The following MIB1 variants were observed in gnomAD, a reference collection of about 807,000 sequenced individuals.
The protein encoded by MIB1 is MIB E3 ubiquitin protein ligase 1.
MIB1 carries 278 observed loss-of-function variants against 124.5 expected under a neutral mutation model. The observed-to-expected ratio is 2.23, with a 90% confidence interval of 2.02 to 2.47. The LOEUF (loss-of-function observed/expected upper bound fraction) is 2.47. Among genes scored for constraint, MIB1 ranks in the 30% most tolerant of loss-of-function variants. The probability of loss-of-function intolerance (pLI) is 0.00; values close to 1 mark genes in which losing one functional copy is unlikely to be tolerated. For synonymous variants in MIB1, 446 were observed against 429.4 expected, an observed-to-expected ratio of 1.04 and a Z score of -0.48; for missense variants, 957 against 1,254.4, an observed-to-expected ratio of 0.76 and a Z score of 3.58.
intron 1 of MIB1, among the ~76,000 whole-genome samples, chr18:21,746,970 A>G (rs138829568): frequency 5.8e-4 from 88 of 152,304 alleles, no homozygotes; most frequent in Non-Finnish European, 1.0e-3. Context: ...CTTTATCAGA[A>G]TAGAGTCCCC....
At chr18:21,802,308 A>T (rs1471224896) in intron 9 of MIB1, among the ~76,000 whole-genome samples, 3 of 152,048 alleles carry the variant, frequency 2.0e-5, no homozygotes, top group Non-Finnish European at 2.9e-5. Flanking sequence ...CATGTCATTC[A>T]TATCTGCAAA....
chr18:21,781,383 AT>A (rs1301760940), intron 6 of MIB1, among the ~76,000 whole-genome samples: 2,155 of 60,528 alleles, frequency 0.036, 207 homozygotes, highest in African/African-American at 0.13. Flanking sequence ...ATATATATAT[AT>A]ATATATATAT....
At chr18:21,803,708 T>C (rs191131018) in intron 9 of MIB1, 199 bp from the exon 10 acceptor site, 189 of 426,436 alleles carry the variant, frequency 4.4e-4, no homozygotes, top group African/African-American at 3.3e-3. Context: ...AATGAAACTT[T>C]TGTTTTTTAA....
At chr18:21,817,591 C>T (rs2041841720) in intron 11 of MIB1, 8 of 346,474 alleles carry the variant, frequency 2.3e-5, no homozygotes, top group South Asian at 1.8e-4. Flanking sequence ...TGGCTGTGTT[C>T]CAATAAAACT....
intron 1 of MIB1, among the ~76,000 whole-genome samples, chr18:21,745,675 AAC>A (rs144491531): frequency 0.034 from 4,869 of 144,490 alleles, 129 homozygotes; most frequent in East Asian, 0.075. Context: ...ATAGGTGTTA[AAC>A]ACACACACAC....
At chr18:21,731,547 C>T (rs1057493777) in intron 1 of MIB1, among the ~76,000 whole-genome samples, 1 of 151,808 alleles carries the variant, frequency 6.6e-6, no homozygotes, top group African/African-American at 2.4e-5. Flanking sequence ...TCTTGGCTAA[C>T]ACGGTGAAAC....
intron 19 of MIB1, among the ~76,000 whole-genome samples, chr18:21,858,138 A>G (rs973931015): frequency 3.3e-5 from 5 of 152,196 alleles, no homozygotes; most frequent in Admixed American, 2.0e-4. Context: ...ATCATCTGAG[A>G]GACTTTAAAA....
chr18:21,854,900 TA>T, intron 18 of MIB1: 1 of 199,366 alleles, frequency 5.0e-6, no homozygotes, highest in Non-Finnish European at 1.1e-5. Context: ...GATATAAAGG[TA>T]AACAATACCA....
rs1231808336 is a variant in MIB1 at position 21,852,564 on chromosome 18, GCTGTGGAAGT to G, written c.2587-573_2587-564del. ...TGAAAGTGAGGGAGATTATGAATAGGCTGTGGAAGTCTTGCTAGAGATCAGGGAAAAAGAA... is the reference window on the plus strand; with the variant it reads ...TGAAAGTGAGGGAGATTATGAATAGGCTTGCTAGAGATCAGGGAAAAAGAA... On this transcript the variant is annotated intron_variant, in intron 17 of 20. Transcript: ENST00000261537. Among the ~76,000 whole-genome samples, 6 of 152,254 alleles carry G rather than the reference GCTGTGGAAGT, an allele frequency of 3.9e-5. No homozygotes were observed. In the East Asian group the frequency reaches 1.2e-3, roughly 29 times the overall value.
intron 2 of MIB1, among the ~76,000 whole-genome samples, chr18:21,766,513 G>A (rs1457902304): frequency 1.3e-5 from 2 of 152,112 alleles, no homozygotes; most frequent in Non-Finnish European, 2.9e-5. Flanking sequence ...TAATGGGGGC[G>A]GAGTTTTAGG....
At chr18:21,776,523 C>G (rs941341651) in intron 4 of MIB1, among the ~76,000 whole-genome samples, 4 of 152,176 alleles carry the variant, frequency 2.6e-5, no homozygotes, top group Non-Finnish European at 2.9e-5. Flanking sequence ...AAATCCACAT[C>G]TAAATTTTCA....
Position 21,864,598 on chromosome 18 carries a change from T to A in MIB1, c.2953T>A (p.Cys985Ser). ...TTGTGGTCACGGAACCTGTCAACTC[T>A]GTGGAGACCGCATGAGTGAATGTCC... ...FLCGHGTCQL[C>S]GDRMSECPIC... is the part of the protein sequence containing the mutation. Residue 985 changes from cysteine to serine, a missense_variant, in exon 21 of 21, where the codon TGT (cysteine) becomes AGT (serine). Cys to Ser is a moderately radical substitution (Grantham distance 112). Coordinates refer to ENST00000261537, the MANE Select transcript of MIB1 (RefSeq NM_020774.4). 1 of 1,613,552 alleles carries A rather than the reference T, an allele frequency of 6.2e-7. No homozygotes were observed. The highest frequency in any genetic ancestry group is 8.5e-7 in the Non-Finnish European group (1 of 1,179,478).
chr18:21,739,956 A>G (rs2040825904), upstream of MIB1, among the ~76,000 whole-genome samples: 1 of 151,694 alleles, frequency 6.6e-6, no homozygotes, highest in African/African-American at 2.4e-5. Flanking sequence ...AAAACCAAAC[A>G]AAAAAAATTT....
At chr18:21,719,056 C>T (rs112003024) in intron 1 of MIB1, among the ~76,000 whole-genome samples, 86 of 152,040 alleles carry the variant, frequency 5.7e-4, no homozygotes, top group African/African-American at 1.8e-3. Flanking sequence ...GGAGTGGTGG[C>T]GCATGCCTGT....
intron 12 of MIB1, chr18:21,825,635 A>G: frequency 4.0e-6 from 2 of 497,910 alleles, no homozygotes; most frequent in East Asian, 5.7e-5. Flanking sequence ...AATGTAAATA[A>G]GTTGAAATTA....
upstream of MIB1, among the ~76,000 whole-genome samples, chr18:21,740,001 T>A (rs1400391629): frequency 6.6e-6 from 1 of 152,210 alleles, no homozygotes; most frequent in Admixed American, 6.5e-5. Context: ...GGGTACATTT[T>A]ACGTCCGTTT....
rs558478201 is a variant in MIB1 at position 21,858,675 on chromosome 18, G to A, written c.2880+29G>A. 3.7e-6 allele frequency: 4 copies of A among 1,079,246 alleles called. No homozygotes were observed. The Admixed American group carries it at 7.0e-5, about 19-fold the overall frequency. The allele number at this position is 1,079,246 out of a possible 1,614,324, so 66.9% of individuals were successfully genotyped here. ...ATAATGATTTCATGTAAACAGTGAT[G>A]CTGTGAATGGCACTGAATATTTTCC... On this transcript the variant is annotated intron_variant, in intron 20 of 20. Transcript: ENST00000261537.
chr18:21,724,727 A>AAAAATATATAT (rs1350936232), intron 1 of MIB1, among the ~76,000 whole-genome samples: 2 of 17,376 alleles, frequency 1.2e-4, no homozygotes, highest in African/African-American at 3.6e-4. Context: ...AAAAAAAAAA[A>AAAAATATATAT]ATATATATAT....
Position 21,815,815 on chromosome 18 carries a change from T to A in MIB1, c.1677+2T>A, listed in dbSNP as rs2041825055. The A allele has an allele frequency of 6.2e-7, 1 of 1,613,484 alleles. No homozygotes were observed. Among genetic ancestry groups the A allele is most frequent in the Non-Finnish European group, 8.5e-7 (1 of 1,179,424 alleles). On this transcript the variant is annotated splice_donor_variant, in intron 11 of 20. Coordinates refer to ENST00000261537, the MANE Select transcript of MIB1 (RefSeq NM_020774.4). LOFTEE classifies it high-confidence loss of function. ...TTTGGCTGTCATCCCAGTCTCCAGG[T>A]AAAACCTTTAAAGAAACACATCCTG... is the stretch of plus-strand genomic sequence containing the variant.
Sources: allele counts gnomAD v4.1 joint callset (sites outside exome capture counted in the v4.1 genomes callset), GRCh38; gene constraint gnomAD v4.1.1; transcripts MANE v1.5; gene names NCBI Gene and HGNC (gene_info 2026-07-23, HGNC 2026-07-21).